The following TMA16 variants were observed in gnomAD, a reference collection of about 807,000 sequenced individuals.
TMA16 encodes the protein translation machinery-associated protein 16.
A neutral mutation model predicts 27.1 loss-of-function variants in TMA16; 26 were observed. That is an observed-to-expected ratio of 0.96 (90% CI 0.70 to 1.33). The LOEUF is 1.33. Among genes scored for constraint, TMA16 ranks in the 40% most tolerant of loss-of-function variants. TMA16 has a pLI of 0.00. For synonymous variants in TMA16, 71 were observed against 81.9 expected, an observed-to-expected ratio of 0.87 and a Z score of 0.72; for missense variants, 233 against 241.4, an observed-to-expected ratio of 0.97 and a Z score of 0.23.
At chr4:163,503,008 T>G (rs548102809) in intron 1 of TMA16, among the ~76,000 whole-genome samples, 2 of 152,204 alleles carry the variant, frequency 1.3e-5, no homozygotes, top group Non-Finnish European at 2.9e-5. Context: ...TAGACATGTT[T>G]AGATACACAA....
Position 163,512,854 on chromosome 4 carries a change from T to G in TMA16, c.149T>G (p.Leu50Arg), listed in dbSNP as rs1269983923. ...LKNEKALRLN[L>R]VGEKLQWFQN... ...AATGAAAAGGCCTTGCGTCTCAACC[T>G]TGTTGGTAAGTGGGTTTACTTATTT... The change falls in exon 3 of 7, where the codon CTT becomes CGT. Residue 50 changes from leucine (L) to arginine (R), a missense_variant. Coordinates refer to ENST00000358572, the MANE Select transcript of TMA16 (RefSeq NM_018352.3). 6.2e-7 allele frequency: 1 copy of G among 1,607,160 alleles called. No homozygotes were observed. The highest frequency in any genetic ancestry group is 1.1e-5 in the South Asian group (1 of 89,980).
rs768014131 is a variant in TMA16, at chr4:163,520,034, T to A, written c.*520T>A. On this transcript the variant is annotated 3_prime_UTR_variant, in exon 7 of 7. Transcript: ENST00000358572. ...GTATACATTTCTGGATTATAGATTA[T>A]TATTTATCTTTTGAACCAGAGCTAA... is the stretch of plus-strand genomic sequence containing the variant. The A allele has an allele frequency of 1.6e-5, 10 of 608,382 alleles. No individual in the cohort carries two copies. The highest frequency in any genetic ancestry group is 3.0e-5 in the Non-Finnish European group (10 of 332,788). The allele number at this position is 608,382 out of a possible 1,614,324, so 37.7% of individuals were successfully genotyped here. A position where few individuals can be genotyped will look rare whatever the true frequency, so the allele number is the denominator to read the frequency against.
At chr4:163,514,220 T>C in intron 4 of TMA16, 62 bp downstream of exon 4, 6 of 1,323,588 alleles carry the variant, frequency 4.5e-6, no homozygotes, top group Non-Finnish European at 6.2e-6. Context: ...CCTGGTTCTT[T>C]AAGACACAGA....
chr4:163,518,547 A>C (rs1397622153), intron 6 of TMA16, among the ~76,000 whole-genome samples: 2 of 152,032 alleles, frequency 1.3e-5, no homozygotes, highest in African/African-American at 4.8e-5. Flanking sequence ...GTTTTTAAAC[A>C]TAGATTTTTA....
intron 4 of TMA16, 28 bp from the exon 5 acceptor site, chr4:163,515,285 T>C (rs1179098537): frequency 1.9e-6 from 3 of 1,593,648 alleles, no homozygotes; most frequent in Non-Finnish European, 2.6e-6. Context: ...ACTTTGTATG[T>C]AACACAAATC....
chr4:163,512,106 A>G (rs1299599472), intron 2 of TMA16, among the ~76,000 whole-genome samples: 1 of 151,770 alleles, frequency 6.6e-6, no homozygotes, highest in Non-Finnish European at 1.5e-5. Context: ...ATCCTAAAAC[A>G]TATGGTAGGT....
At chr4:163,518,708 G>A (rs1483695694) in intron 6 of TMA16, among the ~76,000 whole-genome samples, 2 of 152,002 alleles carry the variant, frequency 1.3e-5, no homozygotes, top group African/African-American at 4.8e-5. Flanking sequence ...CATGTTTAAG[G>A]TGCAGTTCAC....
chr4:163,495,084 TG>T (rs1737529842), intron 1 of TMA16, among the ~76,000 whole-genome samples: 1 of 42,124 alleles, frequency 2.4e-5, no homozygotes, highest in South Asian at 5.0e-4. Flanking sequence ...CACTACTTCC[TG>T]GGGGAAACCC....
At chr4:163,506,400 C>A (rs569481018) in intron 1 of TMA16, among the ~76,000 whole-genome samples, 14 of 152,068 alleles carry the variant, frequency 9.2e-5, no homozygotes, top group Non-Finnish European at 1.9e-4. Flanking sequence ...AGGTAAGATA[C>A]AGGATTATGT....
At chr4:163,503,695 C>T (rs1170922168) in intron 1 of TMA16, among the ~76,000 whole-genome samples, 3 of 151,756 alleles carry the variant, frequency 2.0e-5, no homozygotes, top group African/African-American at 7.3e-5. Flanking sequence ...TGGACTATTT[C>T]TGTGGTGCCA....
intron 2 of TMA16, 104 bp downstream of exon 2, chr4:163,507,249 A>C: frequency 9.7e-7 from 1 of 1,034,550 alleles, no homozygotes; most frequent in Non-Finnish European, 1.4e-6. Flanking sequence ...CCTTTCATAA[A>C]TATTTATTAA....
chr4:163,512,683 C>T (rs1168477564), intron 2 of TMA16, 139 bp from the exon 3 acceptor site: 1 of 559,780 alleles, frequency 1.8e-6, no homozygotes, highest in Non-Finnish European at 3.2e-6. Context: ...TTTCTGTTAA[C>T]AAAATTATTC....
At chr4:163,509,051 A>G (rs1266185897) in intron 2 of TMA16, among the ~76,000 whole-genome samples, 4 of 152,206 alleles carry the variant, frequency 2.6e-5, no homozygotes, top group Non-Finnish European at 4.4e-5. Context: ...ATTTTCAAAA[A>G]GTCACTCTCT....
At chr4:163,515,702 C>T in intron 5 of TMA16, 1 of 378,072 alleles carries the variant, frequency 2.6e-6, no homozygotes, top group South Asian at 3.7e-5. Flanking sequence ...GATAGTAATA[C>T]TGATTACTTT....
rs1037477615 is a variant in TMA16 at position 163,520,189 on chromosome 4, T to C, written c.*675T>C. On this transcript the variant is annotated 3_prime_UTR_variant, in exon 7 of 7. Transcript: ENST00000358572. ...TGTATATTATTTTTTGCTTTTTTAT[T>C]GTGAAAAGAGGTAGGTTTTATTTGT... 1 of 314,608 alleles carries C rather than the reference T, an allele frequency of 3.2e-6. No individual in the cohort carries two copies. The highest frequency in any genetic ancestry group is 2.2e-5 in the African/African-American group (1 of 46,050). The allele number at this position is 314,608 out of a possible 1,614,324, so 19.5% of individuals were successfully genotyped here. A position where few individuals can be genotyped will look rare whatever the true frequency, so the allele number is the denominator to read the frequency against.
At chr4:163,511,660 A>C (rs1302390966) in intron 2 of TMA16, among the ~76,000 whole-genome samples, 1 of 134,482 alleles carries the variant, frequency 7.4e-6, no homozygotes, top group African/African-American at 2.9e-5. Flanking sequence ...AAATAAAAGT[A>C]AAAAAAAAAA....
At chr4:163,511,914 C>T (rs982775294) in intron 2 of TMA16, among the ~76,000 whole-genome samples, 1 of 151,958 alleles carries the variant, frequency 6.6e-6, no homozygotes, top group African/African-American at 2.4e-5. Flanking sequence ...ATCTGGTTTG[C>T]TTACTTCTTT....
intron 2 of TMA16, among the ~76,000 whole-genome samples, chr4:163,510,407 G>C (rs4691925): frequency 6.6e-6 from 1 of 151,912 alleles, no homozygotes; most frequent in African/African-American, 2.4e-5. Flanking sequence ...CCCTAGCCTC[G>C]GGCAGCCACT....
chr4:163,517,590 A>C, intron 6 of TMA16, 114 bp downstream of exon 6: 13 of 991,184 alleles, frequency 1.3e-5, no homozygotes, highest in Non-Finnish European at 1.9e-5. Flanking sequence ...GTTTCTTTTA[A>C]CCTTTTCTTT....
Sources: gnomAD v4.1 joint callset for allele counts (sites outside exome capture counted in the v4.1 genomes callset) on GRCh38, gnomAD v4.1.1 for gene constraint, MANE v1.5 for transcripts, NCBI Gene and HGNC (gene_info 2026-07-23, HGNC 2026-07-21) for gene names.